The following MYOM2 variants were observed in gnomAD, a reference collection of about 807,000 sequenced individuals.
MYOM2 encodes myomesin 2.
In MYOM2, 254 loss-of-function variants were observed where a neutral mutation model predicts 187.6. That is an observed-to-expected ratio of 1.35 (90% CI 1.22 to 1.50). The LOEUF (loss-of-function observed/expected upper bound fraction) is 1.50, where lower values mean the gene tolerates loss of function less well. MYOM2 is among the 40% of genes most tolerant of loss of function. The pLI, the probability that MYOM2 is intolerant of heterozygous loss-of-function variation, is 0.00. For missense variants in MYOM2, 2,796 were observed against 1,924.0 expected (o/e 1.45, Z -8.48); for synonymous variants, 981 against 753.8 (o/e 1.30, Z -4.94).
rs555369961 is a variant in MYOM2, at chr8:2,137,096, G to C, written c.3801-3627G>C. Among the ~76,000 whole-genome samples the C allele has an allele frequency of 1.2e-4, 18 of 151,410 alleles. No homozygotes were observed. The East Asian group carries it at 1.4e-3, about 11-fold the overall frequency. ...TCACACACACACATATACACACACA[G>C]AGCAGAGGTTTGAACATCTTCGTCT... On this transcript the variant is annotated intron_variant, in intron 32 of 36. Transcript: ENST00000262113.
Position 2,144,676 on chromosome 8 carries a change from A to G in MYOM2, c.4093A>G (p.Thr1365Ala). The G allele has an allele frequency of 3.1e-6, 5 of 1,613,432 alleles. No individual in the cohort carries two copies. Among genetic ancestry groups the G allele is most frequent in the Non-Finnish European group, 4.2e-6 (5 of 1,179,970 alleles). ...TIMEGKTLNL[T>A]CTVFGNPDPE... ...CTTCCGTCCAAAGACCTTGAATCTG[A>G]CCTGCACGGTGTTTGGAAACCCTGA... is the stretch of plus-strand genomic sequence containing the variant. The change falls in exon 37 of 37, where the codon ACC becomes GCC. Residue 1365 changes from threonine (T) to alanine (A), a missense_variant. Transcript: ENST00000262113.
chr8:2,069,424 G>A (rs1224591170), intron 7 of MYOM2, 23 bp from the exon 8 acceptor site: 2 of 1,614,144 alleles, frequency 1.2e-6, no homozygotes, highest in South Asian at 1.1e-5. Flanking sequence ...CTTTTCTGCT[G>A]CACTCACTTT....
intron 10 of MYOM2, among the ~76,000 whole-genome samples, chr8:2,074,380 C>A (rs1819342056): frequency 6.6e-6 from 1 of 152,048 alleles, no homozygotes; most frequent in South Asian, 2.1e-4. Flanking sequence ...AACCTGAGTT[C>A]CTGTTATAAC....
In MYOM2 at chr8:2,123,608, C is replaced by A. The variant is rs1282838606; in HGVS notation, c.3621C>A (p.Gly1207=). Reference sequence around the variant, plus strand: ...AGGCAACCTTGAAAGATGACAGAGGCCAAGATGTGTCCATCCTTGAAATAG... The same window carrying A: ...AGGCAACCTTGAAAGATGACAGAGGACAAGATGTGTCCATCCTTGAAATAG... ...EYKATLKDDR[G]QDVSILEIAG... Residue 1207 remains glycine (G), a synonymous_variant, in exon 30 of 37, where the codon GGC becomes GGA. Coordinates refer to ENST00000262113, the MANE Select transcript of MYOM2 (RefSeq NM_003970.4). 1.3e-5 allele frequency: 21 copies of A among 1,614,024 alleles called. No homozygotes were observed. The highest frequency in any genetic ancestry group is 1.8e-5 in the Non-Finnish European group (21 of 1,180,010).
At chr8:2,087,809 C>T (rs1563448803) in intron 14 of MYOM2, among the ~76,000 whole-genome samples, 2 of 152,026 alleles carry the variant, frequency 1.3e-5, no homozygotes, top group Admixed American at 1.3e-4. Context: ...TTTATAGAGA[C>T]GAGGTCTCGC....
At chr8:2,068,179 C>T (rs966615625) in intron 6 of MYOM2, among the ~76,000 whole-genome samples, 5 of 151,322 alleles carry the variant, frequency 3.3e-5, no homozygotes, top group Non-Finnish European at 2.9e-5. Context: ...TGCCTGTGCA[C>T]ACCAGGCCGA....
At chr8:2,132,947 G>A (rs542769388) in intron 32 of MYOM2, among the ~76,000 whole-genome samples, 4 of 152,166 alleles carry the variant, frequency 2.6e-5, no homozygotes, top group Non-Finnish European at 5.9e-5. Context: ...GGCAGTGGCT[G>A]GCCATGTCTA....
chr8:2,140,985 A>T (rs1210004658), intron 33 of MYOM2, 99 bp downstream of exon 33: 1 of 1,363,434 alleles, frequency 7.3e-7, no homozygotes, highest in Non-Finnish European at 9.9e-7. Flanking sequence ...AGACAATATG[A>T]ATTTACAATT....
intron 17 of MYOM2, among the ~76,000 whole-genome samples, chr8:2,095,908 A>G (rs1286828654): frequency 6.6e-6 from 1 of 152,230 alleles, no homozygotes; most frequent in Non-Finnish European, 1.5e-5. Context: ...TCCTTCGCCA[A>G]GCTTCTTTCA....
At chr8:2,140,643 C>T in intron 32 of MYOM2, 80 bp from the exon 33 acceptor site, 2 of 1,420,828 alleles carry the variant, frequency 1.4e-6, no homozygotes, top group East Asian at 2.4e-5. Context: ...GCTGTCACAG[C>T]AACGGGACAT....
chr8:2,143,239 C>T lies in MYOM2; in HGVS notation c.4025-162C>T. On this transcript the variant is annotated intron_variant, in intron 35 of 36. Coordinates refer to ENST00000262113, the MANE Select transcript of MYOM2 (RefSeq NM_003970.4). ...TACCTTCCCTTGGCTTTGGTTTATC[C>T]CTCAACTGTAAACATATAAACCTTT... The T allele has an allele frequency of 6.3e-6, 5 of 792,576 alleles. No homozygotes were observed. The Admixed American group carries it at 8.3e-5, about 13-fold the overall frequency. The allele number at this position is 792,576 out of a possible 1,614,324, so 49.1% of individuals were successfully genotyped here. A position where few individuals can be genotyped will look rare whatever the true frequency, so the allele number is the denominator to read the frequency against.
In MYOM2 at chr8:2,118,407, C is replaced by A. The variant is rs546069576; in HGVS notation, c.3453+455C>A. On this transcript the variant is annotated intron_variant, in intron 28 of 36. Coordinates refer to ENST00000262113, the MANE Select transcript of MYOM2 (RefSeq NM_003970.4). ...AAAATCTGTTTTTTAAGCAGCAAAT[C>A]TTCAATTTAATAACTGCCTACTATT... Among the ~76,000 whole-genome samples, 4 of 152,266 alleles carry A rather than the reference C, an allele frequency of 2.6e-5. No individual in the cohort carries two copies. The South Asian group carries it at 8.3e-4, about 32-fold the overall frequency.
chr8:2,129,021 A>G, intron 31 of MYOM2, 106 bp from the exon 32 acceptor site: 1 of 703,048 alleles, frequency 1.4e-6, no homozygotes, highest in South Asian at 1.7e-5. Context: ...CACAAGTGAG[A>G]ACAGGATTGC....
intron 12 of MYOM2, 133 bp from the exon 13 acceptor site, chr8:2,079,427 C>G (rs1372369039): frequency 7.1e-6 from 6 of 843,378 alleles, no homozygotes; most frequent in Admixed American, 1.7e-5. Context: ...AGAATCAGCT[C>G]TGATGCCCCC....
intron 13 of MYOM2, among the ~76,000 whole-genome samples, chr8:2,084,739 A>C (rs1530192): frequency 6.6e-6 from 1 of 152,152 alleles, no homozygotes; most frequent in African/African-American, 2.4e-5. Flanking sequence ...GTGCCTGTGA[A>C]TATGGTACTG....
intron 21 of MYOM2, 55 bp downstream of exon 21, chr8:2,102,836 A>G (rs1796755472): frequency 7.1e-7 from 1 of 1,402,282 alleles, no homozygotes; most frequent in Non-Finnish European, 1.0e-6. Flanking sequence ...GAGAGTGTGC[A>G]TGTATTATGG....
chr8:2,057,563 G>GC, intron 4 of MYOM2, 60 bp from the exon 5 acceptor site: 1 of 1,612,816 alleles, frequency 6.2e-7, no homozygotes, highest in Non-Finnish European at 8.5e-7. Flanking sequence ...TGCTTGAGGG[G>GC]CCGAGGGTGG....
chr8:2,140,300 C>T (rs935812083), intron 32 of MYOM2, among the ~76,000 whole-genome samples: 5 of 149,624 alleles, frequency 3.3e-5, no homozygotes, highest in African/African-American at 5.0e-5. Context: ...CTTGGGCTGC[C>T]TCCCCACCGG....
intron 1 of MYOM2, among the ~76,000 whole-genome samples, chr8:2,049,116 A>G (rs1254704114): frequency 6.6e-6 from 1 of 152,136 alleles, no homozygotes; most frequent in Non-Finnish European, 1.5e-5. Flanking sequence ...TATGAGGTGC[A>G]ACGTTCCGTT....
Sources: gnomAD v4.1 joint callset for allele counts (sites outside exome capture counted in the v4.1 genomes callset) on GRCh38, gnomAD v4.1.1 for gene constraint, MANE v1.5 for transcripts, NCBI Gene and HGNC (gene_info 2026-07-23, HGNC 2026-07-21) for gene names.